The following TMTC2 variants were observed in gnomAD, a reference collection of about 807,000 sequenced individuals.
The protein encoded by TMTC2 is transmembrane O-mannosyltransferase targeting cadherins 2, also known as protein O-mannosyl-transferase TMTC2.
In TMTC2, 43 loss-of-function variants were observed where a neutral mutation model predicts 82.4. That is an observed-to-expected ratio of 0.52 (90% CI 0.41 to 0.67). The LOEUF is 0.67. TMTC2 is among the 30% of genes least tolerant of loss of function. The pLI is 0.00. For missense variants in TMTC2, 919 were observed against 1,012.4 expected, an observed-to-expected ratio of 0.91 and a Z score of 1.25; for synonymous variants, 408 against 381.9, an observed-to-expected ratio of 1.07 and a Z score of -0.80.
At chr12:82,998,657 A>G (rs539210679) in intron 8 of TMTC2, among the ~76,000 whole-genome samples, 22 of 152,284 alleles carry the variant, frequency 1.4e-4, no homozygotes, top group African/African-American at 5.3e-4. Context: ...ATACAGAATA[A>G]TACATCAGAG....
At chr12:83,124,954 G>A (rs918031980) in intron 11 of TMTC2, among the ~76,000 whole-genome samples, 8 of 152,162 alleles carry the variant, frequency 5.3e-5, no homozygotes, top group Admixed American at 5.2e-4. Context: ...TAGAAATGAA[G>A]AGTAGTAAAG....
chr12:82,812,726 C>T (rs933072066), intron 1 of TMTC2, among the ~76,000 whole-genome samples: 3 of 151,878 alleles, frequency 2.0e-5, no homozygotes, highest in Non-Finnish European at 4.4e-5. Context: ...GTTTCTCTCC[C>T]TCTTCCATTT....
chr12:82,870,586 T>A (rs1872123396), intron 2 of TMTC2, among the ~76,000 whole-genome samples: 1 of 152,224 alleles, frequency 6.6e-6, no homozygotes, highest in African/African-American at 2.4e-5. Flanking sequence ...AGCAAAATTT[T>A]AGTCATTAGC....
intron 3 of TMTC2, among the ~76,000 whole-genome samples, chr12:82,921,308 A>G (rs1875380200): frequency 6.6e-6 from 1 of 152,160 alleles, no homozygotes; most frequent in Admixed American, 6.6e-5. Flanking sequence ...TTGTTATTAC[A>G]TCTGCTACTT....
intron 3 of TMTC2, among the ~76,000 whole-genome samples, chr12:82,906,646 G>A (rs1874327949): frequency 6.6e-6 from 1 of 152,142 alleles, no homozygotes; most frequent in Admixed American, 6.5e-5. Flanking sequence ...CCGAGATCGT[G>A]CCATTGCACT....
At chr12:82,812,081 GT>G (rs1195719862) in intron 1 of TMTC2, among the ~76,000 whole-genome samples, 1 of 151,904 alleles carries the variant, frequency 6.6e-6, no homozygotes, top group African/African-American at 2.4e-5. Context: ...GCCTCCCAAG[GT>G]GCTGGGATTA....
intron 2 of TMTC2, among the ~76,000 whole-genome samples, chr12:82,885,234 G>C (rs2137161776): frequency 6.6e-6 from 1 of 151,942 alleles, no homozygotes; most frequent in African/African-American, 2.4e-5. Flanking sequence ...ACAGTTTTGA[G>C]GATTCCCAAT....
At chr12:83,103,987 A>G (rs1884315400) in intron 11 of TMTC2, among the ~76,000 whole-genome samples, 1 of 152,268 alleles carries the variant, frequency 6.6e-6, no homozygotes. Flanking sequence ...CAGTCAAATG[A>G]AAGGGACTAC....
intron 11 of TMTC2, among the ~76,000 whole-genome samples, chr12:83,093,999 G>A (rs1883934106): frequency 6.6e-6 from 1 of 152,204 alleles, no homozygotes; most frequent in South Asian, 2.1e-4. Context: ...GGGAACTAAT[G>A]TAGACTTGGC....
chr12:82,689,527 T>A (rs934545754), intron 1 of TMTC2, among the ~76,000 whole-genome samples: 1 of 152,236 alleles, frequency 6.6e-6, no homozygotes. Context: ...CCCTTGTTCA[T>A]TGCTGTCTAA....
At chr12:83,034,963 T>C (rs1201025085) in intron 9 of TMTC2, among the ~76,000 whole-genome samples, 2 of 152,366 alleles carry the variant, frequency 1.3e-5, no homozygotes, top group East Asian at 3.9e-4. Context: ...ATTGAATGAA[T>C]AATAACACTT....
intron 8 of TMTC2, among the ~76,000 whole-genome samples, chr12:82,995,684 C>T (rs1344821006): frequency 6.6e-6 from 1 of 152,114 alleles, no homozygotes; most frequent in Non-Finnish European, 1.5e-5. Flanking sequence ...TAAATAAATC[C>T]TCATCTCTTG....
Position 82,801,244 on chromosome 12 carries a change from C to T in TMTC2, c.84-55766C>T, listed in dbSNP as rs768232207. ...CGGTGAGTGTTACAGTTCTTAAAGG[C>T]GGTGTGTCCGGAGTTTGTTCTTTCC... On this transcript the variant is annotated intron_variant, in intron 1 of 11. Transcript: ENST00000321196. Among the ~76,000 whole-genome samples the T allele has an allele frequency of 2.6e-5, 4 of 151,914 alleles. No individual in the cohort carries two copies. In the South Asian group the frequency reaches 6.2e-4, roughly 24 times the overall value.
At chr12:82,986,134 G>A (rs751697142) in intron 8 of TMTC2, 88 bp downstream of exon 8, 1 of 1,568,628 alleles carries the variant, frequency 6.4e-7, no homozygotes, top group South Asian at 1.1e-5. Context: ...TTTACAGCCA[G>A]TTATCTAAGC....
intron 8 of TMTC2, among the ~76,000 whole-genome samples, chr12:83,003,949 T>A (rs1285976815): frequency 6.6e-6 from 1 of 152,148 alleles, no homozygotes; most frequent in African/African-American, 2.4e-5. Context: ...CTCTTACATA[T>A]CCTCAAATAT....
chr12:82,745,033 A>G (rs1228181849), intron 1 of TMTC2, among the ~76,000 whole-genome samples: 3 of 152,102 alleles, frequency 2.0e-5, no homozygotes, highest in Admixed American at 1.3e-4. Flanking sequence ...TTGCTATTTC[A>G]GGTCTGGATT....
At chr12:83,093,582 G>A (rs1485655945) in intron 11 of TMTC2, among the ~76,000 whole-genome samples, 1 of 152,216 alleles carries the variant, frequency 6.6e-6, no homozygotes, top group Non-Finnish European at 1.5e-5. Flanking sequence ...AGAGTCTAGA[G>A]CAATACCTGG....
chr12:83,052,255 G>A (rs1592717856), intron 10 of TMTC2, among the ~76,000 whole-genome samples: 1 of 152,134 alleles, frequency 6.6e-6, no homozygotes, highest in East Asian at 1.9e-4. Context: ...CTTTTAAGAT[G>A]ATTGTAGATT....
chr12:82,861,295 C>T (rs1418843797), intron 2 of TMTC2, among the ~76,000 whole-genome samples: 1 of 152,198 alleles, frequency 6.6e-6, no homozygotes, highest in East Asian at 1.9e-4. Context: ...TTACCTTTGT[C>T]TTAGGTGTTG....
Sources: allele counts gnomAD v4.1 joint callset (sites outside exome capture counted in the v4.1 genomes callset), GRCh38; gene constraint gnomAD v4.1.1; transcripts MANE v1.5; gene names NCBI Gene and HGNC (gene_info 2026-07-23, HGNC 2026-07-21).